The following PPARGC1A variants were observed in gnomAD, a reference collection of about 807,000 sequenced individuals.
PPARGC1A encodes peroxisome proliferator-activated receptor gamma coactivator 1-alpha.
A neutral mutation model predicts 88.7 loss-of-function variants in PPARGC1A; 25 were observed. The observed-to-expected ratio is 0.28, with a 90% CI of 0.21 to 0.39. The LOEUF is 0.39. Among genes scored for constraint, PPARGC1A ranks in the 10% least tolerant of loss-of-function variants. PPARGC1A has a pLI of 1.00. For synonymous variants in PPARGC1A, 363 were observed against 355.6 expected, an observed-to-expected ratio of 1.02 and a Z score of -0.24; for missense variants, 880 against 968.7, an observed-to-expected ratio of 0.91 and a Z score of 1.22.
At chr4:24,080,808 T>C in the PPARGC1A span, among the ~76,000 whole-genome samples, 2 of 152,108 alleles carry the variant, frequency 1.3e-5, no homozygotes, top group Non-Finnish European at 2.9e-5. Context: ...TCAATGACAA[T>C]GCAGGATTTC....
chr4:24,108,703 G>T, the PPARGC1A span, among the ~76,000 whole-genome samples: 1 of 152,058 alleles, frequency 6.6e-6, no homozygotes, highest in East Asian at 1.9e-4. Flanking sequence ...CCAGAGCCTG[G>T]ACTCTTGACC....
At chr4:24,434,723 G>T in the PPARGC1A span, among the ~76,000 whole-genome samples, 1 of 152,160 alleles carries the variant, frequency 6.6e-6, no homozygotes, top group African/African-American at 2.4e-5. Context: ...AACGCAGATT[G>T]CCCCTCGATG....
the PPARGC1A span, among the ~76,000 whole-genome samples, chr4:24,355,718 C>T: frequency 5.3e-5 from 8 of 152,022 alleles, no homozygotes; most frequent in Admixed American, 2.6e-4. Context: ...CAGCACACAC[C>T]AGTCACAAAC....
At chr4:24,213,307 CA>C in the PPARGC1A span, among the ~76,000 whole-genome samples, 6 of 151,998 alleles carry the variant, frequency 3.9e-5, no homozygotes, top group Admixed American at 2.0e-4. Flanking sequence ...GCTGGGACTA[CA>C]GGCGCCCACC....
the PPARGC1A span, among the ~76,000 whole-genome samples, chr4:23,931,121 G>T: frequency 2.0e-5 from 3 of 152,340 alleles, no homozygotes; most frequent in East Asian, 5.8e-4. Context: ...GACAGGGAAA[G>T]GAATTGGCTG....
At chr4:24,122,829 G>A in the PPARGC1A span, among the ~76,000 whole-genome samples, 1 of 152,156 alleles carries the variant, frequency 6.6e-6, no homozygotes, top group Admixed American at 6.5e-5. Context: ...CCACTAGCGA[G>A]AACAGCCCTT....
chr4:24,471,992 C>T, the PPARGC1A span, among the ~76,000 whole-genome samples: 1 of 151,932 alleles, frequency 6.6e-6, no homozygotes, highest in African/African-American at 2.4e-5. This position sits in a 1 kb window ranked among gnomAD's most constrained non-coding sequence, Gnocchi z 5.4. Flanking sequence ...GGGTAGGCGC[C>T]GGGCGCACAG....
chr4:23,930,419 G>A, the PPARGC1A span, among the ~76,000 whole-genome samples: 690 of 152,218 alleles, frequency 4.5e-3, 8 homozygotes, highest in African/African-American at 0.016. Flanking sequence ...TAGGTACAAC[G>A]CTGAAGGACT....
At chr4:24,149,449 T>C in the PPARGC1A span, among the ~76,000 whole-genome samples, 531 of 152,292 alleles carry the variant, frequency 3.5e-3, 3 homozygotes, top group Middle Eastern at 6.8e-3. Flanking sequence ...AGACACAACC[T>C]GTACCCACAA....
At chr4:23,995,686 T>C in the PPARGC1A span, among the ~76,000 whole-genome samples, 1 of 152,116 alleles carries the variant, frequency 6.6e-6, no homozygotes, top group African/African-American at 2.4e-5. Context: ...AAGATTTAGC[T>C]AAAGAGTTCC....
At chr4:23,948,459 T>C in the PPARGC1A span, among the ~76,000 whole-genome samples, 1 of 152,150 alleles carries the variant, frequency 6.6e-6, no homozygotes, top group Non-Finnish European at 1.5e-5. Context: ...AGGCAGGTAC[T>C]GTAACTCCCA....
At chr4:24,444,335 A>G in the PPARGC1A span, among the ~76,000 whole-genome samples, 3 of 152,268 alleles carry the variant, frequency 2.0e-5, no homozygotes, top group Non-Finnish European at 2.9e-5. Context: ...ACCCTGCCCC[A>G]TCAGAGGCTT....
rs773479374 is a variant in PPARGC1A at position 23,814,029 on chromosome 4, C to T, written c.1454G>A (p.Arg485Lys). 3.1e-6 allele frequency: 5 copies of T among 1,613,932 alleles called. No individual in the cohort carries two copies. The highest frequency in any genetic ancestry group is 4.2e-6 in the Non-Finnish European group (5 of 1,179,964). ...DDEADKTGEL[R>K]DSDFSNEQFS... The stretch of plus-strand genomic sequence containing the variant: ...TTGTTCATTACTGAAATCACTGTCC[C>T]TCAGTTCACCGGTCTTGTCTGCTTC... Residue 485 changes from arginine (R) to lysine (K), a missense_variant, in exon 8 of 13, where the codon AGG (arginine) becomes AAG (lysine). Coordinates refer to ENST00000264867, the MANE Select transcript of PPARGC1A (RefSeq NM_013261.5).
At chr4:24,158,196 A>T in the PPARGC1A span, among the ~76,000 whole-genome samples, 8 of 152,110 alleles carry the variant, frequency 5.3e-5, no homozygotes, top group South Asian at 1.7e-3. Flanking sequence ...CCCTCCCATC[A>T]TTCAGGTTGC....
the PPARGC1A span, among the ~76,000 whole-genome samples, chr4:24,241,610 C>T: frequency 2.0e-5 from 3 of 152,222 alleles, no homozygotes; most frequent in South Asian, 6.2e-4. Context: ...TCTGCAGGCT[C>T]ACGCCTTGTT....
the PPARGC1A span, among the ~76,000 whole-genome samples, chr4:23,955,551 G>A: frequency 6.6e-6 from 1 of 152,040 alleles, no homozygotes; most frequent in African/African-American, 2.4e-5. Context: ...AGGAATCAAG[G>A]TAGCTTACAG....
upstream of PPARGC1A, among the ~76,000 whole-genome samples, chr4:23,902,081 G>C (rs1270496958): frequency 6.6e-6 from 1 of 151,846 alleles, no homozygotes; most frequent in Non-Finnish European, 1.5e-5. Flanking sequence ...ACAAAAAATA[G>C]AATGTAAAAT....
the PPARGC1A span, among the ~76,000 whole-genome samples, chr4:24,369,816 G>C: frequency 6.6e-6 from 1 of 152,152 alleles, no homozygotes; most frequent in African/African-American, 2.4e-5. Flanking sequence ...CAAGACTTTC[G>C]TGCCCGCCAA....
the PPARGC1A span, among the ~76,000 whole-genome samples, chr4:24,118,181 C>T: frequency 2.0e-5 from 3 of 152,086 alleles, no homozygotes; most frequent in South Asian, 2.1e-4. Context: ...CCATAACGTG[C>T]GGTCAATGAG....
Sources: allele counts gnomAD v4.1 joint callset (sites outside exome capture counted in the v4.1 genomes callset), GRCh38; gene constraint gnomAD v4.1.1; non-coding constraint Gnocchi (gnomAD v3.1); transcripts MANE v1.5; gene names NCBI Gene and HGNC (gene_info 2026-07-23, HGNC 2026-07-21).